CSMD1: variants seen among roughly 807,000 people sequenced by gnomAD.
CSMD1 encodes the protein CUB and sushi domain-containing protein 1.
In CSMD1, 213 loss-of-function variants were observed where a neutral mutation model predicts 417.5. That is an observed-to-expected ratio of 0.51 (90% CI 0.46 to 0.57). CSMD1 has a LOEUF of 0.57. CSMD1 is among the 20% of genes least tolerant of loss of function. The pLI is 0.00. For missense variants in CSMD1, 6,923 were observed against 4,529.7 expected, an observed-to-expected ratio of 1.53 and a Z score of -15.17; for synonymous variants, 2,862 against 1,736.8, an observed-to-expected ratio of 1.65 and a Z score of -16.11.
At chr8:4,174,038 T>C (rs1015374066) in intron 3 of CSMD1, among the ~76,000 whole-genome samples, 3 of 152,020 alleles carry the variant, frequency 2.0e-5, no homozygotes, top group Non-Finnish European at 4.4e-5. Context: ...ATGCCCTGAG[T>C]TCATTGGTTT....
chr8:4,064,417 G>A (rs567808798), intron 3 of CSMD1, among the ~76,000 whole-genome samples: 28 of 152,324 alleles, frequency 1.8e-4, no homozygotes, highest in Middle Eastern at 6.8e-3. Flanking sequence ...TAGAGAATAA[G>A]TAAGCTTCTG....
chr8:3,340,125 C>G (rs531945505), intron 23 of CSMD1, among the ~76,000 whole-genome samples: 1 of 152,130 alleles, frequency 6.6e-6, no homozygotes, highest in African/African-American at 2.4e-5. Context: ...CACCGAAAAT[C>G]GTTGAAAATA....
chr8:3,449,605 C>T (rs1815558320), intron 12 of CSMD1, among the ~76,000 whole-genome samples: 2 of 151,884 alleles, frequency 1.3e-5, no homozygotes, highest in South Asian at 4.2e-4. Context: ...GCAAACTCTG[C>T]CTCTTGGGTT....
At chr8:3,698,798 A>T (rs1163221353) in intron 7 of CSMD1, among the ~76,000 whole-genome samples, 1 of 152,244 alleles carries the variant, frequency 6.6e-6, no homozygotes, top group Non-Finnish European at 1.5e-5. Flanking sequence ...GTATCTGGTT[A>T]TCTGGAAAAT....
chr8:4,065,559 C>T lies in CSMD1; in HGVS notation c.416-33460G>A, dbSNP rs558985615. On this transcript the variant is annotated intron_variant, in intron 3 of 69. Transcript: ENST00000635120. ...TGTATGTTTCTTGATAGTAGCTAAT[C>T]TTTTTTCACTGCTAAAAGATGTATT... Among the ~76,000 whole-genome samples the T allele has an allele frequency of 4.4e-3, 675 of 152,038 alleles. 7 individuals carry two copies. The highest frequency in any genetic ancestry group is 0.017 in the Middle Eastern group (5 of 294).
chr8:4,850,927 A>AT (rs1210703836), intron 1 of CSMD1, among the ~76,000 whole-genome samples: 1 of 132,088 alleles, frequency 7.6e-6, no homozygotes, highest in East Asian at 2.3e-4. Flanking sequence ...TTTTGTGGTT[A>AT]TTTTTTTATC....
At chr8:4,717,203 A>C (rs1030941990) in intron 1 of CSMD1, among the ~76,000 whole-genome samples, 1 of 151,716 alleles carries the variant, frequency 6.6e-6, no homozygotes, top group African/African-American at 2.4e-5. Flanking sequence ...GAGGAGTAAC[A>C]GTATTAACAG....
chr8:4,200,860 A>G (rs150210523), intron 3 of CSMD1, among the ~76,000 whole-genome samples: 7 of 151,890 alleles, frequency 4.6e-5, no homozygotes, highest in African/African-American at 1.7e-4. Flanking sequence ...CCTGTCTCAA[A>G]ATAATGATGA....
chr8:4,452,391 C>T (rs1162729608), intron 2 of CSMD1, among the ~76,000 whole-genome samples: 3 of 152,172 alleles, frequency 2.0e-5, no homozygotes, highest in Admixed American at 6.5e-5. Context: ...GCCTCGAGGG[C>T]TTGGGGTTCA....
Position 3,846,747 on chromosome 8 carries a change from C to G in CSMD1, c.819-92705G>C, listed in dbSNP as rs528167580. ...ACCTTGACTCACTGCAACCTCGACT[C>G]ACTGCAACCTCTGCCTCTCTGGTTC... On this transcript the variant is annotated intron_variant, in intron 5 of 69. Coordinates refer to ENST00000635120, the MANE Select transcript of CSMD1 (RefSeq NM_033225.6). 2.4e-4 allele frequency among the ~76,000 whole-genome samples: 37 copies of G among 152,222 alleles called. No individual in the cohort carries two copies. In the East Asian group the frequency reaches 6.8e-3, roughly 28 times the overall value.
intron 1 of CSMD1, among the ~76,000 whole-genome samples, chr8:4,700,528 G>C (rs1368926113): frequency 6.6e-6 from 1 of 152,090 alleles, no homozygotes; most frequent in African/African-American, 2.4e-5. Flanking sequence ...GTGTCTAATA[G>C]AGAGACAAGA....
intron 5 of CSMD1, among the ~76,000 whole-genome samples, chr8:3,951,797 G>C (rs190861784): frequency 2.0e-5 from 3 of 152,138 alleles, no homozygotes; most frequent in Admixed American, 2.0e-4. Flanking sequence ...AAATTAGTGA[G>C]CTGGCAAAGA....
At chr8:3,595,700 G>C (rs982142991) in intron 8 of CSMD1, among the ~76,000 whole-genome samples, 1 of 152,176 alleles carries the variant, frequency 6.6e-6, no homozygotes, top group Non-Finnish European at 1.5e-5. Context: ...GAATTTTTGT[G>C]TGAGGGAATT....
intron 5 of CSMD1, among the ~76,000 whole-genome samples, chr8:3,804,737 T>A (rs933486306): frequency 6.6e-6 from 1 of 152,240 alleles, no homozygotes; most frequent in South Asian, 2.1e-4. Flanking sequence ...TTGCTTCAAC[T>A]GATCATGAAA....
chr8:4,286,238 G>C (rs1797048649), intron 3 of CSMD1, among the ~76,000 whole-genome samples: 1 of 152,000 alleles, frequency 6.6e-6, no homozygotes, highest in Admixed American at 6.6e-5. Context: ...AAGCTCCATT[G>C]CGTCTCTCCG....
chr8:3,575,170 T>TAAAAA lies in CSMD1; in HGVS notation c.1223-109_1223-105dup, dbSNP rs11352452. ...CAAGTTAGCTATTATCTAATCACAG[T>TAAAAA]AAAAAAAAAAAAAAAAATGGTGCAT... On this transcript the variant is annotated intron_variant, in intron 9 of 69. Transcript: ENST00000635120. 9.9e-6 allele frequency: 8 copies of TAAAAA among 806,326 alleles called. No individual in the cohort carries two copies. The South Asian group carries it at 1.6e-4, about 16-fold the overall frequency. 49.9% of individuals were successfully genotyped at this position (806,326 alleles called of 1,614,324 possible).
intron 3 of CSMD1, among the ~76,000 whole-genome samples, chr8:4,325,121 T>C (rs1468580762): frequency 1.3e-5 from 2 of 152,084 alleles, no homozygotes; most frequent in African/African-American, 4.8e-5. Flanking sequence ...ATACTGCACA[T>C]TGTATGCAAT....
intron 10 of CSMD1, among the ~76,000 whole-genome samples, chr8:3,497,017 T>C (rs1796393542): frequency 6.6e-6 from 1 of 152,218 alleles, no homozygotes; most frequent in South Asian, 2.1e-4. Context: ...TGATATGATT[T>C]AGATTTTTAA....
chr8:3,705,827 C>G (rs779242865), intron 7 of CSMD1, among the ~76,000 whole-genome samples: 70 of 152,152 alleles, frequency 4.6e-4, no homozygotes, highest in Non-Finnish European at 7.5e-4. Context: ...AGTGGAGAGA[C>G]TCAAGTTAAT....
Sources: gnomAD v4.1 joint callset for allele counts (sites outside exome capture counted in the v4.1 genomes callset) on GRCh38, gnomAD v4.1.1 for gene constraint, MANE v1.5 for transcripts, NCBI Gene and HGNC (gene_info 2026-07-23, HGNC 2026-07-21) for gene names.